Variants in GALNT18 observed in about 807,000 individuals in gnomAD.
GALNT18 encodes GalNAc-transferase 18.
GALNT18 carries 44 observed loss-of-function variants against 69.5 expected under a neutral mutation model. The observed-to-expected ratio is 0.63, with a 90% CI of 0.50 to 0.81. The LOEUF (loss-of-function observed/expected upper bound fraction) is 0.81, where lower values mean the gene tolerates loss of function less well. GALNT18 is among the 40% of genes least tolerant of loss of function. The pLI, the probability that GALNT18 is intolerant of heterozygous loss-of-function variation, is 0.00. For synonymous variants in GALNT18, 364 were observed against 318.2 expected (o/e 1.14, Z -1.53); for missense variants, 715 against 810.0 (o/e 0.88, Z 1.42).
chr11:11,566,850 C>A (rs1434399544), intron 1 of GALNT18, among the ~76,000 whole-genome samples: 2 of 152,208 alleles, frequency 1.3e-5, no homozygotes, highest in Non-Finnish European at 2.9e-5. Flanking sequence ...AGTGACCTAG[C>A]ACCGGCTTGT....
chr11:11,353,114 C>T (rs182860137), intron 6 of GALNT18: 11 of 1,614,088 alleles, frequency 6.8e-6, no homozygotes, highest in African/African-American at 1.3e-5. Context: ...GCACGGGTCC[C>T]GACATGTCAG....
chr11:11,460,948 G>A (rs151060612), intron 1 of GALNT18, among the ~76,000 whole-genome samples: 1 of 152,320 alleles, frequency 6.6e-6, no homozygotes, highest in African/African-American at 2.4e-5. Flanking sequence ...AAGACAGCCA[G>A]GGATACAGGA....
intron 6 of GALNT18, among the ~76,000 whole-genome samples, chr11:11,357,508 A>G (rs1356099272): frequency 6.6e-6 from 1 of 152,068 alleles, no homozygotes; most frequent in East Asian, 1.9e-4. Flanking sequence ...GTCTTCTATC[A>G]CTTCCCCTTG....
intron 1 of GALNT18, among the ~76,000 whole-genome samples, chr11:11,498,735 G>C (rs1856917012): frequency 6.6e-6 from 1 of 152,094 alleles, no homozygotes; most frequent in African/African-American, 2.4e-5. Flanking sequence ...GGAGGCAGAG[G>C]TTGCAATGAG....
chr11:11,422,997 T>C (rs1192967783), intron 3 of GALNT18, among the ~76,000 whole-genome samples: 1 of 152,198 alleles, frequency 6.6e-6, no homozygotes, highest in Non-Finnish European at 1.5e-5. Context: ...ACACCACTGT[T>C]CACACAAGCA....
rs1850206121 is a variant in GALNT18 at position 11,341,471 on chromosome 11, C to T, written c.1093-467G>A. 6.6e-6 allele frequency among the ~76,000 whole-genome samples: 1 copy of T among 152,138 alleles called. No homozygotes were observed. Among genetic ancestry groups the T allele is most frequent in the African/African-American group, 2.4e-5 (1 of 41,430 alleles). On this transcript the variant is annotated intron_variant, in intron 6 of 10. Coordinates refer to ENST00000227756, the MANE Select transcript of GALNT18 (RefSeq NM_198516.3). The surrounding 1 kb of genome is among the most constrained non-coding windows in gnomAD (Gnocchi z 6.3). ...CCTGGACAAGAATTAGTGATCACCA[C>T]AGAGAAGGGTGTCACCAGACACCCT... is the stretch of plus-strand genomic sequence containing the variant.
intron 3 of GALNT18, among the ~76,000 whole-genome samples, chr11:11,418,291 T>G (rs1854913380): frequency 6.6e-6 from 1 of 152,228 alleles, no homozygotes; most frequent in South Asian, 2.1e-4. Context: ...TGAATCTCAG[T>G]TTCCTCATCT....
chr11:11,350,191 G>A (rs1850374010), intron 6 of GALNT18, among the ~76,000 whole-genome samples: 2 of 152,160 alleles, frequency 1.3e-5, no homozygotes, highest in Non-Finnish European at 2.9e-5. Context: ...CTTACCCACA[G>A]GAAACCCAGG....
Position 11,332,980 on chromosome 11 carries a change from CG to C in GALNT18, c.1279-150del, listed in dbSNP as rs946461408. On this transcript the variant is annotated intron_variant, in intron 7 of 10. Coordinates refer to ENST00000227756, the MANE Select transcript of GALNT18 (RefSeq NM_198516.3). The surrounding 1 kb of genome is among the most constrained non-coding windows in gnomAD (Gnocchi z 4.3). ...GCACGTTAACTCTTGCATTTTCCCA[CG>C]GGTACCTTAACCCCGTAACCATCCT... The C allele has an allele frequency of 1.0e-5, 8 of 785,598 alleles. 1 individual carries two copies. The highest frequency in any genetic ancestry group is 5.4e-5 in the South Asian group (3 of 55,924). The allele number at this position is 785,598 out of a possible 1,614,324, so 48.7% of individuals were successfully genotyped here.
chr11:11,527,963 C>T (rs1362092108), intron 1 of GALNT18, among the ~76,000 whole-genome samples: 1 of 152,232 alleles, frequency 6.6e-6, no homozygotes, highest in Admixed American at 6.5e-5. Flanking sequence ...TTCTGATATA[C>T]CAGATACTGT....
chr11:11,276,166 G>C (rs183860471), intron 10 of GALNT18, among the ~76,000 whole-genome samples: 1 of 152,126 alleles, frequency 6.6e-6, no homozygotes, highest in East Asian at 1.9e-4. Flanking sequence ...ACCCATGAGC[G>C]TGGAATGTTT....
At chr11:11,537,769 G>A (rs181148027) in intron 1 of GALNT18, among the ~76,000 whole-genome samples, 2 of 152,270 alleles carry the variant, frequency 1.3e-5, no homozygotes, top group Admixed American at 1.3e-4. Context: ...GGAATAAAAG[G>A]GAGCATAACC....
intron 9 of GALNT18, among the ~76,000 whole-genome samples, chr11:11,295,815 C>A (rs897858992): frequency 2.0e-5 from 3 of 151,996 alleles, no homozygotes; most frequent in Non-Finnish European, 4.4e-5. Context: ...TCACTGTGAC[C>A]AAAGTTCTGA....
rs898253081 is a variant in GALNT18, at chr11:11,417,445, T to C, written c.595+15176A>G. Among the ~76,000 whole-genome samples the C allele has an allele frequency of 2.0e-5, 3 of 152,234 alleles. No individual in the cohort carries two copies. The South Asian group carries it at 6.2e-4, about 32-fold the overall frequency. On this transcript the variant is annotated intron_variant, in intron 3 of 10. Coordinates refer to ENST00000227756, the MANE Select transcript of GALNT18 (RefSeq NM_198516.3). The stretch of plus-strand genomic sequence containing the variant: ...AAGCATTTCAAGAGAAGCTTCTGCT[T>C]CTCAAAGTGGGAGTCAATATGGCAG...
At chr11:11,574,116 C>T (rs1484454451) in intron 1 of GALNT18, among the ~76,000 whole-genome samples, 4 of 152,122 alleles carry the variant, frequency 2.6e-5, no homozygotes, top group African/African-American at 9.7e-5. Context: ...CCCCATGCCC[C>T]ATGGGAGAGG....
chr11:11,275,609 T>C (rs1450475146), intron 10 of GALNT18, among the ~76,000 whole-genome samples: 1 of 152,242 alleles, frequency 6.6e-6, no homozygotes, highest in Non-Finnish European at 1.5e-5. Context: ...TCTTTGCCCA[T>C]GCCGATGTCC....
At chr11:11,354,834 C>T (rs1564907796) in intron 6 of GALNT18, among the ~76,000 whole-genome samples, 2 of 152,146 alleles carry the variant, frequency 1.3e-5, no homozygotes, top group Admixed American at 6.5e-5. Flanking sequence ...ATTTTCTTCC[C>T]TGCCTCCCCA....
At chr11:11,330,352 T>C (rs1564897593) in intron 8 of GALNT18, among the ~76,000 whole-genome samples, 2 of 152,232 alleles carry the variant, frequency 1.3e-5, no homozygotes, top group East Asian at 1.9e-4. Context: ...GGAAGAATGA[T>C]TCAGACCCAG....
intron 5 of GALNT18, among the ~76,000 whole-genome samples, chr11:11,373,779 C>A (rs866004300): frequency 3.3e-5 from 5 of 152,252 alleles, no homozygotes; most frequent in African/African-American, 1.2e-4. Flanking sequence ...CACGGGGCTA[C>A]TTCTCTGCTG....
Sources: allele counts gnomAD v4.1 joint callset (sites outside exome capture counted in the v4.1 genomes callset), GRCh38; gene constraint gnomAD v4.1.1; non-coding constraint Gnocchi (gnomAD v3.1); transcripts MANE v1.5; gene names NCBI Gene and HGNC (gene_info 2026-07-23, HGNC 2026-07-21).